SH3TC1: variants seen among roughly 807,000 people sequenced by gnomAD.
SH3TC1 encodes SH3 domain and tetratricopeptide repeats 1.
A neutral mutation model predicts 117.3 loss-of-function variants in SH3TC1; 135 were observed. The ratio of observed to expected loss-of-function variants is 1.15; its 90% CI spans 1.00 to 1.33. The LOEUF (loss-of-function observed/expected upper bound fraction) is 1.33, where lower values mean the gene tolerates loss of function less well. Ranked by LOEUF, SH3TC1 falls within the 40% of genes most tolerant of loss-of-function variation. SH3TC1 has a pLI of 0.00. For synonymous variants in SH3TC1, 898 were observed against 816.9 expected (o/e 1.10, Z -1.69); for missense variants, 2,092 against 1,794.3 (o/e 1.17, Z -3.00).
Position 8,228,550 on chromosome 4 carries a change from G to A in SH3TC1, c.2856G>A (p.Leu952=), listed in dbSNP as rs777171718. 2 of 1,609,086 alleles carry A rather than the reference G, an allele frequency of 1.2e-6. No homozygotes were observed. Among genetic ancestry groups the A allele is most frequent in the South Asian group, 2.2e-5 (2 of 90,502 alleles). ...GRDFTHVLLQ[L]GHLCTRQGPA... ...ACTTCACCCACGTGCTCCTGCAGCT[G>A]GGCCATCTCTGCACCCGCCAGGGCC... Residue 952 remains leucine, a synonymous_variant, in exon 12 of 18, where the codon CTG becomes CTA. Transcript: ENST00000245105.
chr4:8,215,398 G>A (rs1719157310), intron 5 of SH3TC1, among the ~76,000 whole-genome samples: 2 of 152,218 alleles, frequency 1.3e-5, no homozygotes, highest in Admixed American at 6.5e-5. Flanking sequence ...CCGGTGAGCA[G>A]GGCTGAGGCT....
In SH3TC1 at chr4:8,232,418, C is replaced by G. The variant is rs367591963; in HGVS notation, c.3131+262C>G. The G allele has an allele frequency of 3.2e-6, 5 of 1,559,624 alleles. No individual in the cohort carries two copies. The East Asian group carries it at 9.8e-5, about 30-fold the overall frequency. Reference sequence around the variant, plus strand: ...CACACCTCCCCAAAGGTCATCTCAACCCCAGCAGAAGCAGTTACATGCATT... The same window carrying G: ...CACACCTCCCCAAAGGTCATCTCAAGCCCAGCAGAAGCAGTTACATGCATT... On this transcript the variant is annotated intron_variant, in intron 13 of 17. Transcript: ENST00000245105.
chr4:8,222,953 G>A lies in SH3TC1; in HGVS notation c.1226G>A (p.Cys409Tyr), dbSNP rs1720087699. ...AGGCGGATGTCGGGCACCGATGTCT[G>A]CAGCGTGTACAGCCTGGGTGCGTGT... ...LLRRMSGTDV[C>Y]SVYSLDSVEE... Residue 409 changes from cysteine (C) to tyrosine (Y), a missense_variant, in exon 10 of 18, where the codon TGC (cysteine) becomes TAC (tyrosine). Cys to Tyr is a radical substitution (Grantham distance 194, BLOSUM62 -2). Coordinates refer to ENST00000245105, the MANE Select transcript of SH3TC1 (RefSeq NM_018986.5). 6.2e-7 allele frequency: 1 copy of A among 1,612,382 alleles called. No individual in the cohort carries two copies. Among genetic ancestry groups the A allele is most frequent in the Middle Eastern group, 2.0e-4 (1 of 4,892 alleles).
intron 1 of SH3TC1, among the ~76,000 whole-genome samples, chr4:8,200,677 G>A (rs980092013): frequency 1.3e-5 from 2 of 152,230 alleles, no homozygotes; most frequent in African/African-American, 4.8e-5. Context: ...CTGCCAGAGC[G>A]CAGGACACAG....
intron 16 of SH3TC1, chr4:8,236,964 G>A (rs556118658): frequency 1.7e-4 from 28 of 162,780 alleles, no homozygotes; most frequent in Middle Eastern, 3.0e-3. Flanking sequence ...GTGCAGCCGC[G>A]TGGGAATGCA....
intron 14 of SH3TC1, among the ~76,000 whole-genome samples, chr4:8,234,197 TCCATCCA>T (rs150603463): frequency 0.084 from 12,096 of 144,154 alleles, 622 homozygotes; most frequent in East Asian, 0.17. Context: ...CATCCATTCA[TCCATCCA>T]CCATCCACCA....
rs752143099 is a variant in SH3TC1, at chr4:8,227,847, G to C, written c.2153G>C (p.Ser718Thr). The change falls in exon 12 of 18, where the codon AGC becomes ACC. Residue 718 changes from serine to threonine, a missense_variant. Ser to Thr is a moderately conservative substitution (Grantham distance 58, BLOSUM62 1). Transcript: ENST00000245105. ...TACCTACTCCTGGCTGACATCTACA[G>C]CCGCAAGTGCCTGCCCCACCTGGTG... Reference protein sequence around the residue: ...DCYLLLADIYSRKCLPHLVLS... With the variant: ...DCYLLLADIYTRKCLPHLVLS... 1.2e-6 allele frequency: 2 copies of C among 1,612,812 alleles called. No homozygotes were observed. The highest frequency in any genetic ancestry group is 2.2e-5 in the South Asian group (2 of 91,086).
intron 2 of SH3TC1, among the ~76,000 whole-genome samples, chr4:8,207,489 C>G (rs903176328): frequency 9.2e-5 from 14 of 152,248 alleles, no homozygotes; most frequent in African/African-American, 2.7e-4. Context: ...TCATCATGGG[C>G]TGGCCTGGCT....
rs1718209473 is a variant in SH3TC1 at position 8,206,386 on chromosome 4, G to C, written c.172+1020G>C. ...CCCTCCAGGGCAGGCCTCATGAAAGGAAGGGGCTGCGCTGTGCCCAGGGCC... is the reference window on the plus strand; with the variant it reads ...CCCTCCAGGGCAGGCCTCATGAAAGCAAGGGGCTGCGCTGTGCCCAGGGCC... On this transcript the variant is annotated intron_variant, in intron 2 of 17. Transcript: ENST00000245105. This position sits in a 1 kb window ranked among gnomAD's most constrained non-coding sequence, Gnocchi z 5.5. Among the ~76,000 whole-genome samples, 1 of 151,930 alleles carries C rather than the reference G, an allele frequency of 6.6e-6. No homozygotes were observed. The highest frequency in any genetic ancestry group is 2.1e-4 in the South Asian group (1 of 4,822).
rs142457858 is a variant in SH3TC1 at position 8,209,765 on chromosome 4, C to T, written c.190C>T (p.Arg64Cys). Residue 64 changes from arginine to cysteine, a missense_variant, in exon 3 of 18, where the codon CGC becomes TGC. Arg to Cys is a radical substitution (Grantham distance 180). Coordinates refer to ENST00000245105, the MANE Select transcript of SH3TC1 (RefSeq NM_018986.5). The surrounding 1 kb of genome is among the most constrained non-coding windows in gnomAD (Gnocchi z 5.9). ...TGTTGCAGACGAGGCTCCTCCTGCCCGCGTGGCTGGGCCTGCTGCTGGGAC... is the reference window on the plus strand; with the variant it reads ...TGTTGCAGACGAGGCTCCTCCTGCCTGCGTGGCTGGGCCTGCTGCTGGGAC... Reference protein sequence around the residue: ...PVRGDEAPPARVAGPAAGTPP... With the variant: ...PVRGDEAPPACVAGPAAGTPP... 5.3e-5 allele frequency: 85 copies of T among 1,613,730 alleles called. No individual in the cohort carries two copies. In the African/African-American group the frequency reaches 5.5e-4, roughly 10 times the overall value.
intron 8 of SH3TC1, among the ~76,000 whole-genome samples, chr4:8,218,619 A>G (rs1420928858): frequency 6.6e-6 from 1 of 152,184 alleles, no homozygotes; most frequent in Non-Finnish European, 1.5e-5. Context: ...GTGAAGCTGC[A>G]CCAGGGCCCC....
At chr4:8,201,511 G>C (rs1450208758) in intron 1 of SH3TC1, 1 of 152,462 alleles carries the variant, frequency 6.6e-6, no homozygotes, top group African/African-American at 2.4e-5. Context: ...GCAGGAAGGA[G>C]AGAGTCCTGC....
Position 8,232,144 on chromosome 4 carries a change from T to C in SH3TC1, c.3119T>C (p.Leu1040Pro), listed in dbSNP as rs1347125363. Residue 1040 changes from leucine to proline, a missense_variant, in exon 13 of 18, where the codon CTG becomes CCG. Coordinates refer to ENST00000245105, the MANE Select transcript of SH3TC1 (RefSeq NM_018986.5). ...ACCATCAGCCAGCTCTACCTGTCCC[T>C]GGGCACCGAGCGGTGAGGGCTGGCT... is the stretch of plus-strand genomic sequence containing the variant. ...LETISQLYLSLGTERAYKSAL... is the reference protein window; with the variant it reads ...LETISQLYLSPGTERAYKSAL... 1 of 1,338,416 alleles carries C rather than the reference T, an allele frequency of 7.5e-7. No homozygotes were observed. The highest frequency in any genetic ancestry group is 2.1e-5 in the Admixed American group (1 of 47,582). 82.9% of individuals were successfully genotyped at this position (1,338,416 alleles called of 1,614,324 possible).
At position 8,190,309 on chromosome 4, in the gene SH3TC1, G is replaced by A. The variant is rs1717377645; in HGVS notation, c.-57+8099G>A. Among the ~76,000 whole-genome samples, 1 of 152,204 alleles carries A rather than the reference G, an allele frequency of 6.6e-6. No homozygotes were observed. Among genetic ancestry groups the A allele is most frequent in the South Asian group, 2.1e-4 (1 of 4,830 alleles). On this transcript the variant is annotated intron_variant, in intron 1 of 16. Transcript: ENST00000508641. This position sits in a 1 kb window ranked among gnomAD's most constrained non-coding sequence, Gnocchi z 4.7. Reference sequence around the variant, plus strand: ...TCCTTCGGCGGAGTTGGGGGACTGTGTGCTTGGGTTGGGTTAATGACTGTG... The same window carrying A: ...TCCTTCGGCGGAGTTGGGGGACTGTATGCTTGGGTTGGGTTAATGACTGTG...
rs1717240216 is a variant in SH3TC1 at position 8,186,997 on chromosome 4, C to T, written c.-57+4787C>T. 6.6e-6 allele frequency among the ~76,000 whole-genome samples: 1 copy of T among 152,036 alleles called. No homozygotes were observed. The highest frequency in any genetic ancestry group is 2.1e-4 in the South Asian group (1 of 4,820). ...CTGTAGGCACATTGCTGTGCCTTTG[C>T]CCATTCTGGGACTCCTGCCCGACTT... On this transcript the variant is annotated intron_variant, in intron 1 of 16. Transcript: ENST00000508641. The surrounding 1 kb of genome is among the most constrained non-coding windows in gnomAD (Gnocchi z 5.2).
intron 14 of SH3TC1, 116 bp downstream of exon 14, chr4:8,233,629 T>C (rs1475452034): frequency 1.6e-6 from 2 of 1,251,238 alleles, no homozygotes; most frequent in Non-Finnish European, 2.1e-6. Context: ...TACCTGTTCA[T>C]CCTTCCTTCC....
Position 8,227,343 on chromosome 4 carries a change from C to T in SH3TC1, c.1649C>T (p.Ala550Val), listed in dbSNP as rs771380693. The T allele has an allele frequency of 3.7e-6, 6 of 1,602,256 alleles. No individual in the cohort carries two copies. In the South Asian group the frequency reaches 5.6e-5, roughly 15 times the overall value. Residue 550 changes from alanine (A) to valine (V), a missense_variant, in exon 12 of 18, where the codon GCC becomes GTC. Coordinates refer to ENST00000245105, the MANE Select transcript of SH3TC1 (RefSeq NM_018986.5). ...TGRLAQARGA[A>V]KKAGLLMALA... is the part of the protein sequence containing the mutation. Reference sequence around the variant, plus strand: ...CGCCTGGCACAGGCCCGGGGGGCGGCCAAGAAAGCTGGCCTCCTCATGGCC... The same window carrying T: ...CGCCTGGCACAGGCCCGGGGGGCGGTCAAGAAAGCTGGCCTCCTCATGGCC...
upstream of SH3TC1, among the ~76,000 whole-genome samples, chr4:8,197,574 C>T (rs900169068): frequency 1.3e-5 from 2 of 152,174 alleles, no homozygotes; most frequent in Non-Finnish European, 2.9e-5. Flanking sequence ...CCTTTGGTGC[C>T]TCTGAACCCT....
At chr4:8,216,374 C>T in intron 6 of SH3TC1, 117 bp downstream of exon 6, 1 of 1,435,244 alleles carries the variant, frequency 7.0e-7, no homozygotes, top group African/African-American at 1.4e-5. Flanking sequence ...GCTGCGGAGC[C>T]TCTGGAGGCT....
Sources: gnomAD v4.1 joint callset for allele counts (sites outside exome capture counted in the v4.1 genomes callset) on GRCh38, gnomAD v4.1.1 for gene constraint, Gnocchi (gnomAD v3.1) non-coding constraint, MANE v1.5 for transcripts, NCBI Gene and HGNC (gene_info 2026-07-23, HGNC 2026-07-21) for gene names.